Variants in NTM observed in about 807,000 individuals in gnomAD.
NTM encodes neurotrimin.
NTM carries 13 observed loss-of-function variants against 42.1 expected under a neutral mutation model. The observed-to-expected ratio is 0.31, with a 90% CI of 0.20 to 0.49. The LOEUF (loss-of-function observed/expected upper bound fraction) is 0.49. Among genes scored for constraint, NTM ranks in the 20% least tolerant of loss-of-function variants. NTM has a pLI of 0.99. For missense variants in NTM, 373 were observed against 452.8 expected (o/e 0.82, Z 1.60); for synonymous variants, 187 against 179.2 (o/e 1.04, Z -0.35).
chr11:131,464,332 C>T (rs1951685092), intron 1 of NTM, among the ~76,000 whole-genome samples: 1 of 151,374 alleles, frequency 6.6e-6, no homozygotes, highest in African/African-American at 2.4e-5. Flanking sequence ...CCCACCCTCA[C>T]TACACCCGCA....
intron 1 of NTM, among the ~76,000 whole-genome samples, chr11:131,611,913 C>G (rs1592222883): frequency 6.6e-6 from 1 of 152,180 alleles, no homozygotes. Flanking sequence ...ACTGTGGCAG[C>G]CATCCTTCAA....
At chr11:132,193,692 C>T (rs1479732092) in intron 3 of NTM, among the ~76,000 whole-genome samples, 6 of 151,516 alleles carry the variant, frequency 4.0e-5, no homozygotes, top group Non-Finnish European at 8.9e-5. Context: ...AATTGAGATG[C>T]GAAAATCCAT....
At chr11:131,484,016 C>T (rs143152293) in intron 1 of NTM, among the ~76,000 whole-genome samples, 1 of 152,152 alleles carries the variant, frequency 6.6e-6, no homozygotes, top group Admixed American at 6.5e-5. Flanking sequence ...ATAGCCATGG[C>T]GCCCTAATTT....
At chr11:132,013,204 T>C (rs548068129) in intron 2 of NTM, among the ~76,000 whole-genome samples, 1 of 152,038 alleles carries the variant, frequency 6.6e-6, no homozygotes, top group Non-Finnish European at 1.5e-5. Flanking sequence ...TCAGAAGAAG[T>C]TGAAGAAATT....
At chr11:132,107,399 G>T (rs1026643171) in intron 2 of NTM, among the ~76,000 whole-genome samples, 4 of 129,236 alleles carry the variant, frequency 3.1e-5, no homozygotes, top group African/African-American at 1.2e-4. Context: ...TGCCTAGGCT[G>T]GAGTACAGTG....
At chr11:131,932,848 G>A (rs1271493979) in intron 2 of NTM, among the ~76,000 whole-genome samples, 1 of 152,166 alleles carries the variant, frequency 6.6e-6, no homozygotes, top group Admixed American at 6.5e-5. Flanking sequence ...AGGGCCTTTG[G>A]AACCGAATTG....
chr11:131,660,685 G>T (rs1002668178), intron 1 of NTM: 1 of 428,264 alleles, frequency 2.3e-6, no homozygotes, highest in Non-Finnish European at 4.6e-6. Context: ...GGGGACAGAG[G>T]GTGTGGGGCT....
rs1055903131 is a variant in NTM, at chr11:131,953,691, A to G, written c.167+42043A>G. Reference sequence around the variant, plus strand: ...GCACTGGACAAAATACAAAATGATCACAGGCACTCAGGCTTCTGTAGAGCA... The same window carrying G: ...GCACTGGACAAAATACAAAATGATCGCAGGCACTCAGGCTTCTGTAGAGCA... On this transcript the variant is annotated intron_variant, in intron 2 of 8. Transcript: ENST00000683400. Among the ~76,000 whole-genome samples, 2 of 152,188 alleles carry G rather than the reference A, an allele frequency of 1.3e-5. 1 individual carries two copies. Among genetic ancestry groups the G allele is most frequent in the African/African-American group, 4.8e-5 (2 of 41,446 alleles).
At chr11:131,811,495 AATC>A in intron 1 of NTM, among the ~76,000 whole-genome samples, 1 of 152,156 alleles carries the variant, frequency 6.6e-6, no homozygotes, top group Non-Finnish European at 1.5e-5. Flanking sequence ...GTGGGAAATG[AATC>A]ATCATTAATC....
At chr11:131,519,326 G>A (rs7926039) in intron 1 of NTM, among the ~76,000 whole-genome samples, 14,040 of 147,728 alleles carry the variant, frequency 0.095, 7 homozygotes, top group East Asian at 0.2. Flanking sequence ...CTTCATAGGA[G>A]GCTGCATCTT....
intron 2 of NTM, among the ~76,000 whole-genome samples, chr11:132,093,834 C>G (rs1186510215): frequency 6.6e-6 from 1 of 152,114 alleles, no homozygotes; most frequent in African/African-American, 2.4e-5. Context: ...ATTGTAGATT[C>G]TCAAAATATA....
intron 1 of NTM, among the ~76,000 whole-genome samples, chr11:131,404,003 G>A (rs1351962800): frequency 6.6e-6 from 1 of 151,754 alleles, no homozygotes; most frequent in African/African-American, 2.4e-5. Context: ...TCTCCACTCG[G>A]TCACTTTCAT....
intron 1 of NTM, among the ~76,000 whole-genome samples, chr11:131,893,688 C>G (rs2051750144): frequency 1.3e-5 from 2 of 152,110 alleles, no homozygotes; most frequent in African/African-American, 4.8e-5. Flanking sequence ...AGTAATCAAG[C>G]CCCTTACAGC....
At chr11:131,467,213 G>T (rs959869591) in intron 1 of NTM, among the ~76,000 whole-genome samples, 5 of 152,336 alleles carry the variant, frequency 3.3e-5, no homozygotes, top group Admixed American at 3.3e-4. Context: ...GGACAGATGG[G>T]CCAAGAGGGG....
intron 4 of NTM, among the ~76,000 whole-genome samples, chr11:132,265,095 C>G (rs1284678872): frequency 6.6e-6 from 1 of 152,156 alleles, no homozygotes; most frequent in Non-Finnish European, 1.5e-5. Flanking sequence ...GCATGTGTAC[C>G]AGCTATGGAG....
intron 1 of NTM, among the ~76,000 whole-genome samples, chr11:131,855,238 T>C: frequency 6.6e-6 from 1 of 152,220 alleles, no homozygotes; most frequent in Middle Eastern, 3.2e-3. Context: ...CAAGACGTGA[T>C]TGAGACTCAC....
At chr11:131,373,086 A>G in intron 1 of NTM, among the ~76,000 whole-genome samples, 1 of 152,174 alleles carries the variant, frequency 6.6e-6, no homozygotes, top group East Asian at 1.9e-4. Context: ...AGGTTGCCCA[A>G]TTTTAACGCA....
intron 1 of NTM, among the ~76,000 whole-genome samples, chr11:131,439,617 T>C (rs11222616): frequency 6.6e-6 from 1 of 152,022 alleles, no homozygotes; most frequent in Non-Finnish European, 1.5e-5. Context: ...GGCCTAGTCA[T>C]GCACGGGATA....
intron 2 of NTM, among the ~76,000 whole-genome samples, chr11:132,129,884 A>T (rs1055303203): frequency 6.6e-6 from 1 of 152,066 alleles, no homozygotes; most frequent in Non-Finnish European, 1.5e-5. Context: ...CCCCTTTTTC[A>T]TCTTCACCTA....
Sources: gnomAD v4.1 joint callset for allele counts (sites outside exome capture counted in the v4.1 genomes callset) on GRCh38, gnomAD v4.1.1 for gene constraint, MANE v1.5 for transcripts, NCBI Gene and HGNC (gene_info 2026-07-23, HGNC 2026-07-21) for gene names.